The following DYRK3 variants were observed in gnomAD, a reference collection of about 807,000 sequenced individuals.
The protein encoded by DYRK3 is dual specificity tyrosine-phosphorylation-regulated kinase 3.
A neutral mutation model predicts 40.8 loss-of-function variants in DYRK3; 30 were observed. The observed-to-expected ratio is 0.74, with a 90% CI of 0.55 to 1.00. The LOEUF (loss-of-function observed/expected upper bound fraction) is 1.00. Among genes scored for constraint, DYRK3 ranks in the 50% least tolerant of loss-of-function variants. DYRK3 has a pLI of 0.00. For synonymous variants in DYRK3, 272 were observed against 260.7 expected, an observed-to-expected ratio of 1.04 and a Z score of -0.42; for missense variants, 699 against 731.5, an observed-to-expected ratio of 0.96 and a Z score of 0.51.
At chr1:206,647,238 G>A in intron 2 of DYRK3, 150 bp from the exon 3 acceptor site, 1 of 783,818 alleles carries the variant, frequency 1.3e-6, no homozygotes, top group East Asian at 2.8e-5. Context: ...AGTTGCTAGA[G>A]ACTCTTGCTT....
rs17851298 is a variant in DYRK3 at position 206,648,136 on chromosome 1, G to A, written c.938G>A (p.Arg313His). 60 of 1,613,992 alleles carry A rather than the reference G, an allele frequency of 3.7e-5. No homozygotes were observed. Among genetic ancestry groups the A allele is most frequent in the Non-Finnish European group, 4.4e-5 (52 of 1,180,024 alleles). ...CAGGGTTTTAGCGTCCAGTTGGTAC[G>A]CAAGTTTGCCCAGTCCATCTTGCAA... ...KFQGFSVQLVRKFAQSILQSL... is the reference protein window; with the variant it reads ...KFQGFSVQLVHKFAQSILQSL... The change falls in exon 3 of 3, where the codon CGC becomes CAC. Residue 313 changes from arginine (R) to histidine (H), a missense_variant. Transcript: ENST00000367109.
chr1:206,636,854 G>A, intron 1 of DYRK3: 3 of 1,525,978 alleles, frequency 2.0e-6, no homozygotes, highest in Non-Finnish European at 2.7e-6. Context: ...AATCCTCTCC[G>A]TCTTTTGTGT....
rs1671648471 is a variant in DYRK3, at chr1:206,652,177, T to C, written c.*3212T>C. 6.6e-6 allele frequency among the ~76,000 whole-genome samples: 1 copy of C among 152,248 alleles called. No homozygotes were observed. The highest frequency in any genetic ancestry group is 6.5e-5 in the Admixed American group (1 of 15,294). ...ACCATATTGCTGTTGTCCTGAATTT[T>C]CTAACTTGGAGAAATTTAAGGATCT... On this transcript the variant is annotated 3_prime_UTR_variant, in exon 3 of 3. Coordinates refer to ENST00000367109, the MANE Select transcript of DYRK3 (RefSeq NM_003582.4).
chr1:206,649,024 C>A lies in DYRK3; in HGVS notation c.*59C>A. ...ATATTTTTATGATCTTACAAACCTG[C>A]AAATGGAAAAAATGCAAGCCCATTG... On this transcript the variant is annotated 3_prime_UTR_variant, in exon 3 of 3. Coordinates refer to ENST00000367109, the MANE Select transcript of DYRK3 (RefSeq NM_003582.4). The A allele has an allele frequency of 6.8e-7, 1 of 1,473,206 alleles. No individual in the cohort carries two copies. The highest frequency in any genetic ancestry group is 1.4e-5 in the South Asian group (1 of 69,910). The allele number at this position is 1,473,206 out of a possible 1,614,324, so 91.3% of individuals were successfully genotyped here.
intron 2 of DYRK3, among the ~76,000 whole-genome samples, chr1:206,643,916 G>A (rs1671358336): frequency 6.7e-6 from 1 of 150,362 alleles, no homozygotes; most frequent in African/African-American, 2.4e-5. Context: ...TATAGTTGGT[G>A]AAATTATTAT....
At chr1:206,646,874 G>A (rs1671470007) in intron 2 of DYRK3, among the ~76,000 whole-genome samples, 1 of 152,128 alleles carries the variant, frequency 6.6e-6, no homozygotes, top group Non-Finnish European at 1.5e-5. Flanking sequence ...TAATATTTGG[G>A]AAGATACTTG....
intron 1 of DYRK3, chr1:206,636,896 G>T: frequency 1.2e-6 from 2 of 1,612,030 alleles, no homozygotes; most frequent in South Asian, 2.2e-5. Flanking sequence ...CAGTGTTAAA[G>T]AACAGAGAAG....
rs1223712346 is a variant in DYRK3 at position 206,652,924 on chromosome 1, G to A, written c.*3959G>A. Reference sequence around the variant, plus strand: ...AACTGGTTAGGTTAGGTGACTTACTGAGTTCTAAATTGACAAATTTTAATT... The same window carrying A: ...AACTGGTTAGGTTAGGTGACTTACTAAGTTCTAAATTGACAAATTTTAATT... On this transcript the variant is annotated 3_prime_UTR_variant, in exon 3 of 3. Transcript: ENST00000367109. Among the ~76,000 whole-genome samples, 1 of 152,196 alleles carries A rather than the reference G, an allele frequency of 6.6e-6. No homozygotes were observed. The highest frequency in any genetic ancestry group is 6.5e-5 in the Admixed American group (1 of 15,280).
In DYRK3 at chr1:206,635,655, C is replaced by T; in HGVS notation, c.-49C>T. On this transcript the variant is annotated 5_prime_UTR_variant, in exon 1 of 3. Transcript: ENST00000367109. ...GTCCCGGCGTAGGTGGCGTGGCCGA[C>T]CGGACCCCCAACTGGCGCCTCTCCC... is the stretch of plus-strand genomic sequence containing the variant. The T allele has an allele frequency of 8.0e-7, 1 of 1,244,042 alleles. No homozygotes were observed. Among genetic ancestry groups the T allele is most frequent in the Middle Eastern group, 3.1e-4 (1 of 3,228 alleles). The allele number at this position is 1,244,042 out of a possible 1,614,324, so 77.1% of individuals were successfully genotyped here. A position where few individuals can be genotyped will look rare whatever the true frequency, so the allele number is the denominator to read the frequency against.
chr1:206,640,547 A>AT (rs11301093), intron 2 of DYRK3, among the ~76,000 whole-genome samples: 45 of 126,338 alleles, frequency 3.6e-4, no homozygotes, highest in Middle Eastern at 4.0e-3. Flanking sequence ...TCTCAGCAAG[A>AT]TTTTTTTTTT....
intron 2 of DYRK3, among the ~76,000 whole-genome samples, chr1:206,646,477 C>G (rs532810322): frequency 1.3e-5 from 2 of 151,982 alleles, no homozygotes; most frequent in African/African-American, 4.8e-5. Context: ...CAAGTAGGCT[C>G]TTGCTAGGGA....
rs782754005 is a variant in DYRK3 at position 206,648,761 on chromosome 1, G to A, written c.1563G>A (p.Trp521Ter). Residue 521 changes from tryptophan to a stop codon, truncating the protein, a stop_gained, in exon 3 of 3, where the codon TGG (tryptophan) becomes TGA (stop). Transcript: ENST00000367109. LOFTEE classifies it high-confidence loss of function. ...LTPAQALRHP[W>*]ISKSVPRPLT... is the part of the protein sequence containing the mutation. Reference sequence around the variant, plus strand: ...CAGCTCAAGCATTAAGACACCCTTGGATTAGCAAGTCTGTCCCCAGACCTC... The same window carrying A: ...CAGCTCAAGCATTAAGACACCCTTGAATTAGCAAGTCTGTCCCCAGACCTC... 1 of 1,614,074 alleles carries A rather than the reference G, an allele frequency of 6.2e-7. No individual in the cohort carries two copies. The highest frequency in any genetic ancestry group is 8.5e-7 in the Non-Finnish European group (1 of 1,179,992).
intron 2 of DYRK3, among the ~76,000 whole-genome samples, chr1:206,638,078 C>G (rs1205410239): frequency 6.6e-6 from 1 of 151,988 alleles, no homozygotes; most frequent in Non-Finnish European, 1.5e-5. Context: ...TACAAAGGCT[C>G]CTTTTAACAA....
rs1671696715 is a variant in DYRK3 at position 206,654,120 on chromosome 1, A to G, written c.*5155A>G. ...TAAGCTTTCCTGACAGAATACTCCT[A>G]CTACTTTGGTGAATCATGGAAAACT... On this transcript the variant is annotated 3_prime_UTR_variant, in exon 3 of 3. Transcript: ENST00000367109. Among the ~76,000 whole-genome samples, 1 of 152,210 alleles carries G rather than the reference A, an allele frequency of 6.6e-6. No individual in the cohort carries two copies. The highest frequency in any genetic ancestry group is 1.5e-5 in the Non-Finnish European group (1 of 68,040).
At chr1:206,638,269 G>GTT (rs1671173881) in intron 2 of DYRK3, among the ~76,000 whole-genome samples, 2 of 96,748 alleles carry the variant, frequency 2.1e-5, no homozygotes, top group African/African-American at 7.7e-5. Context: ...CAGACACTTA[G>GTT]CTTTTTTTTT....
chr1:206,638,908 C>T (rs1671198536), intron 2 of DYRK3, among the ~76,000 whole-genome samples: 2 of 130,376 alleles, frequency 1.5e-5, no homozygotes, highest in South Asian at 4.9e-4. Flanking sequence ...GAGACGCAGT[C>T]TTACTCTGTC....
intron 2 of DYRK3, among the ~76,000 whole-genome samples, chr1:206,643,235 A>C (rs574349734): frequency 6.6e-6 from 1 of 152,094 alleles, no homozygotes; most frequent in African/African-American, 2.4e-5. Context: ...AAATTTGGAC[A>C]CTTCTGTGTA....
chr1:206,636,833 T>C (rs1671125644), intron 1 of DYRK3: 1 of 1,365,948 alleles, frequency 7.3e-7, no homozygotes. Flanking sequence ...GGCCATCTTG[T>C]GGATTAAATA....
intron 2 of DYRK3, among the ~76,000 whole-genome samples, chr1:206,638,309 C>G (rs995255831): frequency 6.6e-5 from 8 of 120,688 alleles, no homozygotes; most frequent in African/African-American, 2.6e-4. Flanking sequence ...TGGAGTCTCT[C>G]TCTGTCACCC....
Sources: gnomAD v4.1 joint callset for allele counts (sites outside exome capture counted in the v4.1 genomes callset) on GRCh38, gnomAD v4.1.1 for gene constraint, MANE v1.5 for transcripts, NCBI Gene and HGNC (gene_info 2026-07-23, HGNC 2026-07-21) for gene names.